Variants in RAD17 observed in about 807,000 individuals in gnomAD.
RAD17 encodes RAD17 checkpoint clamp loader component.
A neutral mutation model predicts 81.5 loss-of-function variants in RAD17; 31 were observed. That is an observed-to-expected ratio of 0.38 (90% CI 0.29 to 0.51). The LOEUF (loss-of-function observed/expected upper bound fraction) is 0.51, where lower values mean the gene tolerates loss of function less well. RAD17 is among the 20% of genes least tolerant of loss of function. The pLI is 0.88. For synonymous variants in RAD17, 261 were observed against 266.2 expected, an observed-to-expected ratio of 0.98 and a Z score of 0.19; for missense variants, 681 against 781.2, an observed-to-expected ratio of 0.87 and a Z score of 1.53.
At chr5:69,369,381 C>T, upstream of RAD17, 2 of 1,522,054 alleles carry the variant, frequency 1.3e-6, no homozygotes, top group East Asian at 2.4e-5. Flanking sequence ...AGTGAGGGGC[C>T]CCCACCTGGG....
chr5:69,384,954 CTTTT>C, intron 8 of RAD17, 21 bp downstream of exon 8: 496 of 1,275,008 alleles, frequency 3.9e-4, no homozygotes, highest in Middle Eastern at 1.2e-3. Context: ...CTTTTAAAAT[CTTTT>C]TTTTTTTTTT....
intron 11 of RAD17, among the ~76,000 whole-genome samples, chr5:69,387,175 C>T (rs1202078900): frequency 2.0e-5 from 3 of 152,070 alleles, no homozygotes; most frequent in Admixed American, 6.6e-5. Context: ...CCTCCCTCCT[C>T]GGCCTCTGAA....
intron 17 of RAD17, among the ~76,000 whole-genome samples, chr5:69,407,664 C>T (rs1290531068): frequency 2.7e-5 from 4 of 148,980 alleles, no homozygotes; most frequent in African/African-American, 9.8e-5. Flanking sequence ...GCAATCTCCA[C>T]CTCCTGAGTT....
chr5:69,414,445 TC>T lies in RAD17; in HGVS notation c.*154del. ...TATTTCATCACAAGAAACCTACTCT[TC>T]TGTCATCTTGAAGTAAATAGAAGAT... On this transcript the variant is annotated 3_prime_UTR_variant, in exon 19 of 19. Transcript: ENST00000354868. The T allele has an allele frequency of 1.1e-6, 1 of 873,524 alleles. No individual in the cohort carries two copies. The highest frequency in any genetic ancestry group is 1.7e-6 in the Non-Finnish European group (1 of 584,602). 54.1% of individuals were successfully genotyped at this position (873,524 alleles called of 1,614,324 possible).
chr5:69,377,472 T>C (rs1311671848), intron 6 of RAD17, among the ~76,000 whole-genome samples: 1,506 of 6,380 alleles, frequency 0.24, 127 homozygotes, highest in African/African-American at 0.28. Context: ...TATATATATA[T>C]ATACACACAC....
intron 15 of RAD17, among the ~76,000 whole-genome samples, chr5:69,395,994 A>T: frequency 6.6e-6 from 1 of 152,198 alleles, no homozygotes; most frequent in East Asian, 1.9e-4. Context: ...CCAGCTGCAT[A>T]GTCATATTTT....
chr5:69,381,373 C>G (rs941239659), intron 6 of RAD17, among the ~76,000 whole-genome samples: 1 of 151,502 alleles, frequency 6.6e-6, no homozygotes, highest in Non-Finnish European at 1.5e-5. Context: ...CCCAGCTACT[C>G]GGGTGGCTGA....
intron 4 of RAD17, among the ~76,000 whole-genome samples, 197 bp downstream of exon 4, chr5:69,372,414 A>T (rs17236198): frequency 6.6e-6 from 1 of 152,218 alleles, no homozygotes; most frequent in South Asian, 2.1e-4. Flanking sequence ...AACATTGTCT[A>T]ATAAATAGCT....
rs142248513 is a variant in RAD17, at chr5:69,391,558, G to A, written c.1007-273G>A. Among the ~76,000 whole-genome samples, 266 of 152,250 alleles carry A rather than the reference G, an allele frequency of 1.7e-3. 2 individuals carry two copies. The highest frequency in any genetic ancestry group is 6.0e-3 in the African/African-American group (249 of 41,560). On this transcript the variant is annotated intron_variant, in intron 12 of 18. Transcript: ENST00000354868. ...AGTATTTTGGAGTTTGAATTTTTTG[G>A]ATCAGGAATGTCAGCCTATATTAGA...
At chr5:69,398,077 A>G (rs569510072) in intron 16 of RAD17, among the ~76,000 whole-genome samples, 43 of 152,242 alleles carry the variant, frequency 2.8e-4, no homozygotes, top group African/African-American at 9.9e-4. Context: ...ACATGGCGCC[A>G]CTGCACTCCA....
At chr5:69,393,915 T>G (rs1764702979) in intron 15 of RAD17, among the ~76,000 whole-genome samples, 2 of 143,644 alleles carry the variant, frequency 1.4e-5, no homozygotes, top group Admixed American at 1.4e-4. Context: ...GTGGTTTTTT[T>G]TTTTTTTTTT....
At position 69,414,674 on chromosome 5, in the gene RAD17, G is replaced by T; in HGVS notation, c.*382G>T. 1 of 237,628 alleles carries T rather than the reference G, an allele frequency of 4.2e-6. No individual in the cohort carries two copies. Among genetic ancestry groups the T allele is most frequent in the Non-Finnish European group, 8.2e-6 (1 of 121,748 alleles). 14.7% of individuals were successfully genotyped at this position (237,628 alleles called of 1,614,324 possible). A position where few individuals can be genotyped will look rare whatever the true frequency, so the allele number is the denominator to read the frequency against. ...GGATGCAATTACGAGTGTAAACTGT[G>T]TGCCTTATTTACACTTTATTGTCTC... On this transcript the variant is annotated 3_prime_UTR_variant, in exon 19 of 19. Transcript: ENST00000354868.
At chr5:69,410,405 T>C in intron 17 of RAD17, 88 bp from the exon 18 acceptor site, 1 of 965,716 alleles carries the variant, frequency 1.0e-6, no homozygotes. Context: ...TAAAGATTAG[T>C]GATGTTCAGC....
chr5:69,378,693 A>G (rs1325112522), intron 6 of RAD17, among the ~76,000 whole-genome samples: 1 of 152,178 alleles, frequency 6.6e-6, no homozygotes, highest in African/African-American at 2.4e-5. Flanking sequence ...TTTTATTTAA[A>G]GTTATTTAAT....
In RAD17 at chr5:69,400,052, C is replaced by G. The variant is rs376862416; in HGVS notation, c.1576C>G (p.Arg526Gly). Residue 526 changes from arginine (R) to glycine (G), a missense_variant, in exon 17 of 19, where the codon CGG becomes GGG. By Grantham distance (125) the Arg-to-Gly change is moderately radical (BLOSUM62 -2). Transcript: ENST00000354868. ...TTTTTTTTTCTTTTCTATACAGTAT[C>G]GGGAAAATTGCCTGGCAGCAAAAGC... The part of the protein sequence containing the change: ...PQWFLINKKY[R>G]ENCLAAKALF... 6.3e-7 allele frequency: 1 copy of G among 1,579,666 alleles called. No individual in the cohort carries two copies. Among genetic ancestry groups the G allele is most frequent in the Middle Eastern group, 2.3e-4 (1 of 4,336 alleles).
At chr5:69,371,432 T>A in intron 2 of RAD17, 22 bp from the exon 3 acceptor site, 1 of 491,644 alleles carries the variant, frequency 2.0e-6, no homozygotes. Context: ...ATTTGAGGGC[T>A]TCTTCCCCCC....
chr5:69,404,861 G>A (rs776671433), intron 17 of RAD17, among the ~76,000 whole-genome samples: 1 of 152,066 alleles, frequency 6.6e-6, no homozygotes, highest in African/African-American at 2.4e-5. Context: ...GATGGTTTGA[G>A]CCTGGGAAGG....
At chr5:69,378,233 A>G (rs10038816) in intron 6 of RAD17, among the ~76,000 whole-genome samples, 52,166 of 152,184 alleles carry the variant, frequency 0.34, 10,465 homozygotes, top group Non-Finnish European at 0.46. Context: ...TTTATTTTAA[A>G]TACGATATAC....
At chr5:69,392,411 A>G (rs887689442) in intron 13 of RAD17, among the ~76,000 whole-genome samples, 1 of 152,136 alleles carries the variant, frequency 6.6e-6, no homozygotes, top group Admixed American at 6.6e-5. Flanking sequence ...GTATTTCTCT[A>G]ATTTACAAGC....
Sources: allele counts gnomAD v4.1 joint callset (sites outside exome capture counted in the v4.1 genomes callset), GRCh38; gene constraint gnomAD v4.1.1; transcripts MANE v1.5; gene names NCBI Gene and HGNC (gene_info 2026-07-23, HGNC 2026-07-21).